Variants in RNF125 observed in about 807,000 individuals in gnomAD.
The protein encoded by RNF125 is ring finger protein 125, also known as E3 ubiquitin-protein ligase RNF125.
In RNF125, 21 loss-of-function variants were observed where a neutral mutation model predicts 26.0. The observed-to-expected ratio is 0.81, with a 90% confidence interval of 0.57 to 1.16. RNF125 has a LOEUF of 1.16. RNF125 is among the 50% of genes most tolerant of loss of function. RNF125 has a pLI of 0.00. For synonymous variants in RNF125, 95 were observed against 109.2 expected (o/e 0.87, Z 0.81); for missense variants, 270 against 299.4 (o/e 0.90, Z 0.72).
intron 1 of RNF125, among the ~76,000 whole-genome samples, chr18:32,036,612 A>AGGAGGGAGGGGAGAGAGGAG: frequency 1.2e-5 from 1 of 84,154 alleles, no homozygotes; most frequent in Non-Finnish European, 2.2e-5. Context: ...GAGGGAGGGA[A>AGGAGGGAGGGGAGAGAGGAG]GGAGGGAGGG....
intron 3 of RNF125, among the ~76,000 whole-genome samples, chr18:32,044,381 A>T (rs1239382513): frequency 6.6e-6 from 1 of 152,246 alleles, no homozygotes; most frequent in African/African-American, 2.4e-5. Context: ...GATAAAGTTT[A>T]AATTACCTTT....
At chr18:32,090,667 A>AT in the RNF125 span, among the ~76,000 whole-genome samples, 2 of 152,138 alleles carry the variant, frequency 1.3e-5, no homozygotes, top group Non-Finnish European at 2.9e-5. Context: ...GGCAAATACC[A>AT]TTTTTTCTCT....
At chr18:32,061,039 T>C (rs945084372) in intron 4 of RNF125, among the ~76,000 whole-genome samples, 10 of 152,170 alleles carry the variant, frequency 6.6e-5, no homozygotes, top group Admixed American at 4.6e-4. Context: ...ATTCTAGTTT[T>C]TTTTTCAGAC....
chr18:32,071,048 A>G lies in RNF125; in HGVS notation c.*2664A>G, dbSNP rs2039529586. The G allele has an allele frequency of 6.6e-6, 1 of 152,086 alleles. No individual in the cohort carries two copies. The highest frequency in any genetic ancestry group is 6.6e-5 in the Admixed American group (1 of 15,256). 9.4% of individuals were successfully genotyped at this position (152,086 alleles called of 1,614,324 possible). On this transcript the variant is annotated 3_prime_UTR_variant, in exon 6 of 6. Coordinates refer to ENST00000217740, the MANE Select transcript of RNF125 (RefSeq NM_017831.4). ...TATACTATGTCAACATTTTCAGAAC[A>G]TACTGGTATAGCATACTGTACTTTC... is the stretch of plus-strand genomic sequence containing the variant.
the RNF125 span, among the ~76,000 whole-genome samples, chr18:32,086,849 A>C: frequency 1.6e-3 from 240 of 151,318 alleles, no homozygotes; most frequent in African/African-American, 5.3e-3. Flanking sequence ...ACAGGGTCCC[A>C]CTATGTTGTC....
chr18:32,073,035 G>A lies in RNF125; in HGVS notation c.*4651G>A, dbSNP rs1285512661. On this transcript the variant is annotated 3_prime_UTR_variant, in exon 6 of 6. Coordinates refer to ENST00000217740, the MANE Select transcript of RNF125 (RefSeq NM_017831.4). ...AATTTGCATTTTTCCAACATTGAAG[G>A]TATTTTAAAAAGTCACTAAGAGATT... 2 of 133,866 alleles carry A rather than the reference G, an allele frequency of 1.5e-5. No homozygotes were observed. The highest frequency in any genetic ancestry group is 3.0e-5 in the African/African-American group (1 of 33,496). The allele number at this position is 133,866 out of a possible 1,614,324, so 8.3% of individuals were successfully genotyped here.
chr18:32,064,996 G>A (rs1486088401), intron 4 of RNF125, among the ~76,000 whole-genome samples: 8 of 152,150 alleles, frequency 5.3e-5, no homozygotes. Flanking sequence ...TATGGTACAT[G>A]TATTAATTGT....
intron 1 of RNF125, among the ~76,000 whole-genome samples, chr18:32,026,733 A>G (rs149822329): frequency 3.9e-5 from 6 of 152,198 alleles, no homozygotes; most frequent in Admixed American, 6.5e-5. Context: ...AAAAGTTACT[A>G]TCACACTCTA....
chr18:32,056,878 C>G (rs981517916), intron 4 of RNF125, among the ~76,000 whole-genome samples: 1 of 152,106 alleles, frequency 6.6e-6, no homozygotes, highest in African/African-American at 2.4e-5. Flanking sequence ...CTTCCTCAAG[C>G]TTATACATAA....
At chr18:32,080,537 T>C in the RNF125 span, among the ~76,000 whole-genome samples, 2 of 152,194 alleles carry the variant, frequency 1.3e-5, no homozygotes, top group Admixed American at 6.5e-5. Context: ...CTTTCTAATT[T>C]AAAAAACTTA....
rs1424670618 is a variant in RNF125, at chr18:32,070,626, C to T, written c.*2242C>T. On this transcript the variant is annotated 3_prime_UTR_variant, in exon 6 of 6. Coordinates refer to ENST00000217740, the MANE Select transcript of RNF125 (RefSeq NM_017831.4). ...TACACTTACAGCTGTCTCAGAATAA[C>T]AATAGAAATACAACCACAAATAATA... 1 of 152,044 alleles carries T rather than the reference C, an allele frequency of 6.6e-6. No individual in the cohort carries two copies. Among genetic ancestry groups the T allele is most frequent in the Non-Finnish European group, 1.5e-5 (1 of 67,992 alleles). The allele number at this position is 152,044 out of a possible 1,614,324, so 9.4% of individuals were successfully genotyped here.
At chr18:32,026,285 G>T (rs1384621356) in intron 1 of RNF125, among the ~76,000 whole-genome samples, 1 of 111,780 alleles carries the variant, frequency 8.9e-6, no homozygotes, top group Non-Finnish European at 1.6e-5. Context: ...GTCTTGCTCT[G>T]TCGTCCAGGC....
Position 32,057,396 on chromosome 18 carries a change from G to A in RNF125, c.505-8506G>A, listed in dbSNP as rs542429806. Among the ~76,000 whole-genome samples, 11 of 150,628 alleles carry A rather than the reference G, an allele frequency of 7.3e-5. No homozygotes were observed. In the South Asian group the frequency reaches 2.1e-3, roughly 29 times the overall value. ...GTTGCCTAGGCTGGAGTGTAGTGGCGCGATCTTGGCTCACTGCAACCTCTG... is the reference window on the plus strand; with the variant it reads ...GTTGCCTAGGCTGGAGTGTAGTGGCACGATCTTGGCTCACTGCAACCTCTG... On this transcript the variant is annotated intron_variant, in intron 4 of 5. Coordinates refer to ENST00000217740, the MANE Select transcript of RNF125 (RefSeq NM_017831.4).
At chr18:32,022,393 T>G (rs2038994242) in intron 1 of RNF125, among the ~76,000 whole-genome samples, 1 of 152,238 alleles carries the variant, frequency 6.6e-6, no homozygotes, top group Non-Finnish European at 1.5e-5. Flanking sequence ...AATTTGAATT[T>G]GATTTTTTTC....
At chr18:32,054,743 G>A (rs1481213042) in intron 4 of RNF125, among the ~76,000 whole-genome samples, 1 of 152,088 alleles carries the variant, frequency 6.6e-6, no homozygotes, top group East Asian at 1.9e-4. Context: ...AGAAAGAAAA[G>A]TACTAGAAAT....
At chr18:32,019,872 A>T (rs1211924899) in intron 1 of RNF125, among the ~76,000 whole-genome samples, 1 of 152,232 alleles carries the variant, frequency 6.6e-6, no homozygotes, top group Non-Finnish European at 1.5e-5. Flanking sequence ...TAAAACTCAC[A>T]GTTGGTGCAA....
chr18:32,064,465 G>A (rs1179213817), intron 4 of RNF125, among the ~76,000 whole-genome samples: 1 of 127,208 alleles, frequency 7.9e-6, no homozygotes, highest in Non-Finnish European at 1.6e-5. Flanking sequence ...GGGATTACAG[G>A]TGCTGCCACC....
the RNF125 span, among the ~76,000 whole-genome samples, chr18:32,085,373 C>CAGAGAGAGAGAGAGAG: frequency 9.2e-4 from 118 of 128,804 alleles, 3 homozygotes; most frequent in Middle Eastern, 3.8e-3. Context: ...CTGCCAGAAG[C>CAGAGAGAGAGAGAGAG]AGAGAGAGAG....
At chr18:32,049,684 C>G (rs974263754) in intron 4 of RNF125, among the ~76,000 whole-genome samples, 2 of 152,018 alleles carry the variant, frequency 1.3e-5, no homozygotes, top group African/African-American at 4.8e-5. Context: ...GAAGCAGGAG[C>G]AGATTGTTCA....
Sources: allele counts gnomAD v4.1 joint callset (sites outside exome capture counted in the v4.1 genomes callset), GRCh38; gene constraint gnomAD v4.1.1; transcripts MANE v1.5; gene names NCBI Gene and HGNC (gene_info 2026-07-23, HGNC 2026-07-21).